Variants in SLC25A3 observed in about 807,000 individuals in gnomAD.
SLC25A3 encodes solute carrier family 25 member 3, also known as phosphate transport protein.
In SLC25A3, 14 loss-of-function variants were observed where a neutral mutation model predicts 37.1. That is an observed-to-expected ratio of 0.38 (90% CI 0.25 to 0.59). The LOEUF is 0.59. Ranked by LOEUF, SLC25A3 falls within the 20% of genes least tolerant of loss-of-function variation. The pLI, the probability that SLC25A3 is intolerant of heterozygous loss-of-function variation, is 0.67. For missense variants in SLC25A3, 385 were observed against 458.1 expected (o/e 0.84, Z 1.46); for synonymous variants, 161 against 168.7 (o/e 0.95, Z 0.36).
Position 98,594,122 on chromosome 12 carries a change from C to T in SLC25A3, c.144C>T (p.Ala48=), listed in dbSNP as rs1196252509. The T allele has an allele frequency of 6.2e-7, 1 of 1,610,630 alleles. No homozygotes were observed. ...GQPRRPRNLA[A]AAVEEYSCEF... is the part of the protein sequence containing the mutation. ...CCCGCCGCCCTCGCAACCTGGCAGCCGCCGCCGTGGAAGGTGAGATCAGAC... is the reference window on the plus strand; with the variant it reads ...CCCGCCGCCCTCGCAACCTGGCAGCTGCCGCCGTGGAAGGTGAGATCAGAC... The change falls in exon 2 of 8, where the codon GCC becomes GCT. Residue 48 remains alanine, a synonymous_variant. Transcript: ENST00000552981.
chr12:98,595,787 T>G lies in SLC25A3; in HGVS notation c.218T>G (p.Leu73Ter). ...GCACTGTGTGGCTTTGGTGGGGTCT[T>G]AAGTTGTGGTCTGACACACACTGCT... is the stretch of plus-strand genomic sequence containing the variant. The part of the protein sequence containing the change: ...YYALCGFGGV[L>*]SCGLTHTAVV... Residue 73 changes from leucine (L) to a stop codon, truncating the protein, a stop_gained, in exon 3 of 8, where the codon TTA becomes TGA. Transcript: ENST00000552981. LOFTEE classifies it high-confidence loss of function. The G allele has an allele frequency of 6.2e-7, 1 of 1,614,228 alleles. No individual in the cohort carries two copies. The highest frequency in any genetic ancestry group is 8.5e-7 in the Non-Finnish European group (1 of 1,180,016).
At chr12:98,600,854 A>C (rs1289539045) in intron 6 of SLC25A3, among the ~76,000 whole-genome samples, 1 of 152,212 alleles carries the variant, frequency 6.6e-6, no homozygotes, top group Non-Finnish European at 1.5e-5. Context: ...ATACTTGCTA[A>C]CTAGTTCCTA....
chr12:98,595,951 A>G, intron 3 of SLC25A3, 103 bp downstream of exon 3: 1 of 1,045,358 alleles, frequency 9.6e-7, no homozygotes, highest in Non-Finnish European at 1.5e-6. Flanking sequence ...TAGAAACTTC[A>G]GTAGGAAACC....
rs1465479562 is a variant in SLC25A3, at chr12:98,602,500, G to C, written c.*972G>C. On this transcript the variant is annotated 3_prime_UTR_variant, in exon 8 of 8. Coordinates refer to ENST00000552981, the MANE Select transcript of SLC25A3 (RefSeq NM_002635.4). ...CAGAAAATTGAACTATTTTCAGTCT[G>C]GTATTTTAAGAAAGGTACTGCTTGA... The C allele has an allele frequency of 1.3e-5, 2 of 152,082 alleles. No individual in the cohort carries two copies. The highest frequency in any genetic ancestry group is 3.9e-4 in the East Asian group (2 of 5,190). The allele number at this position is 152,082 out of a possible 1,614,324, so 9.4% of individuals were successfully genotyped here.
In SLC25A3 at chr12:98,603,853, A is replaced by G. The variant is rs2097599638; in HGVS notation, c.*2325A>G. On this transcript the variant is annotated 3_prime_UTR_variant, in exon 8 of 8. Transcript: ENST00000552981. ...TTTCAGGTTTTTAAATTATACTAAA[A>G]GATTCTAGTAAGAAAATTTTAATAT... 6.6e-6 allele frequency: 1 copy of G among 152,200 alleles called. No individual in the cohort carries two copies. Among genetic ancestry groups the G allele is most frequent in the African/African-American group, 2.4e-5 (1 of 41,426 alleles). The allele number at this position is 152,200 out of a possible 1,614,324, so 9.4% of individuals were successfully genotyped here.
intron 3 of SLC25A3, 36 bp downstream of exon 3, chr12:98,595,884 CAT>C (rs2097592605): frequency 1.3e-6 from 2 of 1,560,280 alleles, no homozygotes; most frequent in Non-Finnish European, 8.8e-7. Flanking sequence ...AAGTATCTCT[CAT>C]GTGACTTAAC....
Position 98,601,694 on chromosome 12 carries a change from C to T in SLC25A3, c.*166C>T, listed in dbSNP as rs1405491407. The stretch of plus-strand genomic sequence containing the variant: ...GTTTCAGATTTACTGTTGAAATAAA[C>T]CCAACTCTTCATGATTTGCCTGTGA... On this transcript the variant is annotated 3_prime_UTR_variant, in exon 8 of 8. Coordinates refer to ENST00000552981, the MANE Select transcript of SLC25A3 (RefSeq NM_002635.4). 1.6e-6 allele frequency: 1 copy of T among 629,270 alleles called. No individual in the cohort carries two copies. The highest frequency in any genetic ancestry group is 2.8e-6 in the Non-Finnish European group (1 of 353,416). 39.0% of individuals were successfully genotyped at this position (629,270 alleles called of 1,614,324 possible). A position where few individuals can be genotyped will look rare whatever the true frequency, so the allele number is the denominator to read the frequency against.
At chr12:98,600,667 C>T (rs560999124) in intron 6 of SLC25A3, among the ~76,000 whole-genome samples, 166 of 152,288 alleles carry the variant, frequency 1.1e-3, no homozygotes, top group Middle Eastern at 3.4e-3. Flanking sequence ...CTGCCTTGGC[C>T]TCCCAAAGTG....
rs769484222 is a variant in SLC25A3, at chr12:98,600,018, C to G, written c.705C>G (p.Ala235=). 1.9e-6 allele frequency: 3 copies of G among 1,613,968 alleles called. No individual in the cohort carries two copies. The highest frequency in any genetic ancestry group is 2.7e-5 in the African/African-American group (2 of 74,910). ...RQIPYTMMKF[A]CFERTVEALY... ...TACCATACACCATGATGAAGTTCGC[C>G]TGCTTTGAACGTACTGTTGAAGCAC... The change falls in exon 6 of 8, where the codon GCC becomes GCG. Residue 235 remains alanine, a synonymous_variant. Coordinates refer to ENST00000552981, the MANE Select transcript of SLC25A3 (RefSeq NM_002635.4).
rs1302964992 is a variant in SLC25A3 at position 98,604,263 on chromosome 12, A to AAAAAAAAAATATATAT, written c.*2736_*2737insAAAAAAAATATATATA. 7.4e-6 allele frequency: 1 copy of AAAAAAAAAATATATAT among 134,590 alleles called. No homozygotes were observed. The highest frequency in any genetic ancestry group is 2.9e-5 in the African/African-American group (1 of 34,842). 8.3% of individuals were successfully genotyped at this position (134,590 alleles called of 1,614,324 possible). Reference sequence around the variant, plus strand: ...GCGAAACTCTGTCTCAAAAAAAAAAAATATATATATATATATATATATATG... The same window carrying AAAAAAAAAATATATAT: ...GCGAAACTCTGTCTCAAAAAAAAAAAAAAAAAAAATATATATATATATATATATATATATATATATG... On this transcript the variant is annotated 3_prime_UTR_variant, in exon 8 of 8. Coordinates refer to ENST00000552981, the MANE Select transcript of SLC25A3 (RefSeq NM_002635.4).
At chr12:98,600,149 C>T (rs1221119230) in intron 6 of SLC25A3, 22 bp downstream of exon 6, 1 of 1,415,420 alleles carries the variant, frequency 7.1e-7, no homozygotes, top group Admixed American at 1.7e-5. Context: ...TTAGAACACA[C>T]TTGTCTGAAA....
chr12:98,599,986 A>C lies in SLC25A3; in HGVS notation c.673A>C (p.Arg225=), dbSNP rs779005432. Residue 225 remains arginine, a synonymous_variant, in exon 6 of 8, where the codon AGA becomes CGA. Coordinates refer to ENST00000552981, the MANE Select transcript of SLC25A3 (RefSeq NM_002635.4). ...FYKGVAPLWM[R]QIPYTMMKFA... is the part of the protein sequence containing the mutation. ...CAAGGGGGTTGCTCCTCTCTGGATG[A>C]GACAGATACCATACACCATGATGAA... 7 of 1,613,810 alleles carry C rather than the reference A, an allele frequency of 4.3e-6. No homozygotes were observed. In the East Asian group the frequency reaches 1.6e-4, roughly 36 times the overall value.
intron 2 of SLC25A3, chr12:98,594,769 A>G: frequency 4.1e-6 from 1 of 242,704 alleles, no homozygotes; most frequent in Middle Eastern, 1.7e-3. Flanking sequence ...TTTAAATCCT[A>G]GTGAAGTATG....
chr12:98,595,985 G>A, intron 3 of SLC25A3, 137 bp downstream of exon 3: 1 of 820,180 alleles, frequency 1.2e-6, no homozygotes, highest in Non-Finnish European at 2.1e-6. Flanking sequence ...TTAAATTGTG[G>A]GCTTTATTTT....
In SLC25A3 at chr12:98,603,421, A is replaced by G. The variant is rs1292165790; in HGVS notation, c.*1893A>G. On this transcript the variant is annotated 3_prime_UTR_variant, in exon 8 of 8. Transcript: ENST00000552981. ...TTCAATGTCACATAACATCACTTTT[A>G]CCATGCTCTTGGTTACAACAGTGAT... 1 of 152,126 alleles carries G rather than the reference A, an allele frequency of 6.6e-6. No homozygotes were observed. The highest frequency in any genetic ancestry group is 1.5e-5 in the Non-Finnish European group (1 of 68,018). 9.4% of individuals were successfully genotyped at this position (152,126 alleles called of 1,614,324 possible). A position where few individuals can be genotyped will look rare whatever the true frequency, so the allele number is the denominator to read the frequency against.
chr12:98,598,178 T>C, intron 4 of SLC25A3, 143 bp downstream of exon 4: 1 of 777,446 alleles, frequency 1.3e-6, no homozygotes, highest in Non-Finnish European at 2.2e-6. Context: ...CGTATGCCTG[T>C]GTCAGCAGAG....
rs1340478787 is a variant in SLC25A3, at chr12:98,600,134, A to G, written c.814+7A>G. 3 of 1,527,466 alleles carry G rather than the reference A, an allele frequency of 2.0e-6. No individual in the cohort carries two copies. Among genetic ancestry groups the G allele is most frequent in the Admixed American group, 1.7e-5 (1 of 59,902 alleles). The allele number at this position is 1,527,466 out of a possible 1,614,324, so 94.6% of individuals were successfully genotyped here. ...TTTGTAGCAGGTTACATAGGTACGAATTACTTAGAACACACTTGTCTGAAA... is the reference window on the plus strand; with the variant it reads ...TTTGTAGCAGGTTACATAGGTACGAGTTACTTAGAACACACTTGTCTGAAA... On this transcript the variant is annotated splice_region_variant and intron_variant, in intron 6 of 7. Coordinates refer to ENST00000552981, the MANE Select transcript of SLC25A3 (RefSeq NM_002635.4).
At chr12:98,596,864 T>C (rs1462463293) in intron 3 of SLC25A3, among the ~76,000 whole-genome samples, 1 of 152,008 alleles carries the variant, frequency 6.6e-6, no homozygotes, top group Non-Finnish European at 1.5e-5. Flanking sequence ...CTGCTAAAAA[T>C]ACAAAAATTA....
chr12:98,593,881 C>T (rs2097590543), intron 1 of SLC25A3, 94 bp from the exon 2 acceptor site: 16 of 1,413,938 alleles, frequency 1.1e-5, no homozygotes, highest in Middle Eastern at 2.2e-4. Flanking sequence ...GGCGTGGAGA[C>T]GGGAAGGAAA....
Sources: gnomAD v4.1 joint callset for allele counts (sites outside exome capture counted in the v4.1 genomes callset) on GRCh38, gnomAD v4.1.1 for gene constraint, MANE v1.5 for transcripts, NCBI Gene and HGNC (gene_info 2026-07-23, HGNC 2026-07-21) for gene names.